The following TIAM1 variants were observed in gnomAD, a reference collection of about 807,000 sequenced individuals.
TIAM1 encodes the protein rho guanine nucleotide exchange factor TIAM1.
Under a neutral mutation model 163.5 loss-of-function variants are expected in TIAM1, and 65 were observed. That is an observed-to-expected ratio of 0.40 (90% CI 0.33 to 0.49). The LOEUF (loss-of-function observed/expected upper bound fraction) is 0.49. TIAM1 is among the 20% of genes least tolerant of loss of function. The pLI is 0.77. For synonymous variants in TIAM1, 833 were observed against 810.1 expected (o/e 1.03, Z -0.48); for missense variants, 1,789 against 2,044.7 (o/e 0.87, Z 2.41).
chr21:31,216,437 C>T (rs1425805230), intron 9 of TIAM1, among the ~76,000 whole-genome samples: 1 of 152,154 alleles, frequency 6.6e-6, no homozygotes, highest in Non-Finnish European at 1.5e-5. Flanking sequence ...TTTCCAGCCA[C>T]CGCAGCCCAC....
chr21:31,270,713 T>G (rs551069756), intron 3 of TIAM1, among the ~76,000 whole-genome samples: 19 of 152,362 alleles, frequency 1.2e-4, no homozygotes, highest in Admixed American at 2.6e-4. Context: ...ACTATGAGAT[T>G]TTTTTGCAAT....
At chr21:31,470,027 A>G (rs970103568) in intron 1 of TIAM1, among the ~76,000 whole-genome samples, 4 of 144,328 alleles carry the variant, frequency 2.8e-5, no homozygotes, top group African/African-American at 1.0e-4. Context: ...TTTCTGAGAC[A>G]CAGTCTGGCT....
intron 1 of TIAM1, among the ~76,000 whole-genome samples, chr21:31,495,649 G>A (rs925876402): frequency 1.3e-5 from 2 of 152,178 alleles, no homozygotes; most frequent in African/African-American, 2.4e-5. Context: ...CAGTGACAGT[G>A]GTCTGAACCA....
chr21:31,284,835 G>A (rs920413223), intron 2 of TIAM1, among the ~76,000 whole-genome samples: 1 of 152,060 alleles, frequency 6.6e-6, no homozygotes, highest in Non-Finnish European at 1.5e-5. Flanking sequence ...CTGAAGTTCA[G>A]CCTTGAGCCA....
chr21:31,446,768 G>A (rs540086218), intron 2 of TIAM1, among the ~76,000 whole-genome samples: 3 of 152,220 alleles, frequency 2.0e-5, no homozygotes, highest in African/African-American at 7.2e-5. Flanking sequence ...GAGCGTTTTC[G>A]TGCAAAATGT....
chr21:31,247,124 A>C (rs1482983267), intron 5 of TIAM1, among the ~76,000 whole-genome samples: 1 of 151,984 alleles, frequency 6.6e-6, no homozygotes, highest in African/African-American at 2.4e-5. Context: ...GTTCAACACC[A>C]GTGTGGGCAA....
Position 31,252,008 on chromosome 21 carries a change from C to T in TIAM1, c.1145G>A (p.Gly382Glu). 1 of 1,614,020 alleles carries T rather than the reference C, an allele frequency of 6.2e-7. No homozygotes were observed. The highest frequency in any genetic ancestry group is 8.5e-7 in the Non-Finnish European group (1 of 1,179,964). The change falls in exon 5 of 28, where the codon GGG becomes GAG. Residue 382 changes from glycine to glutamate, a missense_variant. Physicochemically the swap from Gly to Glu is moderately conservative, Grantham distance 98 (BLOSUM62 -2). Transcript: ENST00000541036. ...CTCCCGCCGGAAGTTCTCGTACACC[C>T]CCTGACGAGCCGCATCCCCGGTGGA... ...SSSTGDAARQ[G>E]VYENFRRELE...
At chr21:31,381,736 G>A (rs757474377) in intron 2 of TIAM1, among the ~76,000 whole-genome samples, 3 of 152,150 alleles carry the variant, frequency 2.0e-5, no homozygotes, top group Non-Finnish European at 4.4e-5. Flanking sequence ...GGAGGCTGTG[G>A]TGGGAGCATC....
chr21:31,227,211 C>A (rs193221455), intron 6 of TIAM1, among the ~76,000 whole-genome samples: 112 of 152,238 alleles, frequency 7.4e-4, no homozygotes, highest in African/African-American at 2.5e-3. Context: ...CCCGCCTCGG[C>A]CTCCCAAAGT....
In TIAM1 at chr21:31,519,093, G is replaced by A. The variant is rs1490187318; in HGVS notation, c.-422+39834C>T. Among the ~76,000 whole-genome samples, 5 of 152,036 alleles carry A rather than the reference G, an allele frequency of 3.3e-5. No homozygotes were observed. In the South Asian group the frequency reaches 8.3e-4, roughly 25 times the overall value. ...GGAGGCTGAGGCGGGCAGATCACCT[G>A]AGGTCAGGAGTTCGAGACCAGCCTC... On this transcript the variant is annotated intron_variant, in intron 1 of 28. Coordinates refer to the TIAM1 transcript ENST00000286827.
chr21:31,430,508 C>T (rs916403243), intron 2 of TIAM1, among the ~76,000 whole-genome samples: 1 of 151,840 alleles, frequency 6.6e-6, no homozygotes, highest in African/African-American at 2.4e-5. Context: ...AGCGTTTATA[C>T]TTATGTATTA....
intron 19 of TIAM1, among the ~76,000 whole-genome samples, chr21:31,147,236 G>A (rs1314550807): frequency 1.3e-5 from 2 of 152,136 alleles, no homozygotes; most frequent in East Asian, 1.9e-4. Context: ...GTATTTATAG[G>A]GTAGATGTCC....
intron 1 of TIAM1, among the ~76,000 whole-genome samples, chr21:31,517,062 A>AAAAAG (rs201124526): frequency 3.3e-4 from 50 of 151,354 alleles, no homozygotes; most frequent in Non-Finnish European, 5.6e-4. Flanking sequence ...AAAAAAAAAA[A>AAAAAG]AAAAGAAAAG....
chr21:31,179,603 A>C (rs2084921009), intron 15 of TIAM1, among the ~76,000 whole-genome samples: 1 of 151,376 alleles, frequency 6.6e-6, no homozygotes, highest in African/African-American at 2.4e-5. Flanking sequence ...AATGTGTTTT[A>C]AAATAATGGC....
Position 31,130,324 on chromosome 21 carries a change from G to T in TIAM1, c.3943-9C>A. The T allele has an allele frequency of 1.2e-6, 2 of 1,609,152 alleles. No homozygotes were observed. Among genetic ancestry groups the T allele is most frequent in the Non-Finnish European group, 1.7e-6 (2 of 1,175,616 alleles). On this transcript the variant is annotated splice_polypyrimidine_tract_variant and intron_variant, in intron 24 of 27. Transcript: ENST00000541036. ...AGCCTGTGAGATCCTACCTGCAGAGGAGAAGGAACCAGCTGCATAAGAAGA... is the reference window on the plus strand; with the variant it reads ...AGCCTGTGAGATCCTACCTGCAGAGTAGAAGGAACCAGCTGCATAAGAAGA...
At chr21:31,236,918 A>G (rs531662465) in intron 6 of TIAM1, among the ~76,000 whole-genome samples, 164 of 152,274 alleles carry the variant, frequency 1.1e-3, no homozygotes, top group African/African-American at 3.3e-3. Flanking sequence ...ACGTGGCAGG[A>G]GGTAAATGAA....
chr21:31,248,764 G>T (rs8133817), intron 5 of TIAM1, among the ~76,000 whole-genome samples: 9,013 of 152,188 alleles, frequency 0.059, 384 homozygotes, highest in Middle Eastern at 0.13. Flanking sequence ...TCAGGATGAA[G>T]CAAAGAACTC....
chr21:31,363,914 CTGTG>C (rs1229374530), intron 2 of TIAM1, among the ~76,000 whole-genome samples: 1 of 152,186 alleles, frequency 6.6e-6, no homozygotes, highest in Non-Finnish European at 1.5e-5. Flanking sequence ...GGGGTTCTTC[CTGTG>C]TATTTGCTGA....
chr21:31,367,056 A>G lies in TIAM1; in HGVS notation c.-368-27634T>C, dbSNP rs116108276. Among the ~76,000 whole-genome samples, 548 of 150,862 alleles carry G rather than the reference A, an allele frequency of 3.6e-3. 5 individuals carry two copies. Among genetic ancestry groups the G allele is most frequent in the African/African-American group, 0.012 (505 of 41,384 alleles). ...TTCAGATTTGGATGGGTCCCAGAAA[A>G]TAGCTCCAGAAACATAATTGCAATC... On this transcript the variant is annotated intron_variant, in intron 2 of 28. Transcript: ENST00000286827.
Sources: allele counts gnomAD v4.1 joint callset (sites outside exome capture counted in the v4.1 genomes callset), GRCh38; gene constraint gnomAD v4.1.1; transcripts MANE v1.5; gene names NCBI Gene and HGNC (gene_info 2026-07-23, HGNC 2026-07-21).